RANBP2: variants seen among roughly 807,000 people sequenced by gnomAD.
The protein encoded by RANBP2 is RAN binding protein 2.
In RANBP2, 57 loss-of-function variants were observed where a neutral mutation model predicts 303.6. The observed-to-expected ratio is 0.19, with a 90% CI of 0.15 to 0.23. The LOEUF (loss-of-function observed/expected upper bound fraction) is 0.23. Among genes scored for constraint, RANBP2 ranks in the 10% least tolerant of loss-of-function variants. The probability of loss-of-function intolerance (pLI) is 1.00; values close to 1 mark genes in which losing one functional copy is unlikely to be tolerated. For synonymous variants in RANBP2, 1,167 were observed against 1,301.5 expected (o/e 0.90, Z 2.23); for missense variants, 3,138 against 3,780.8 (o/e 0.83, Z 4.46).
At chr2:109,251,041 G>A in the RANBP2 span, among the ~76,000 whole-genome samples, 1 of 150,104 alleles carries the variant, frequency 6.7e-6, no homozygotes, top group South Asian at 2.1e-4. Context: ...TCACTCTGTC[G>A]CCCAGGCTGG....
At chr2:109,590,778 A>AATC in the RANBP2 span, among the ~76,000 whole-genome samples, 1 of 152,148 alleles carries the variant, frequency 6.6e-6, no homozygotes, top group South Asian at 2.1e-4. Flanking sequence ...CAAAGACATG[A>AATC]AGCATGAAGA....
At chr2:109,181,476 T>C in the RANBP2 span, among the ~76,000 whole-genome samples, 1 of 151,992 alleles carries the variant, frequency 6.6e-6, no homozygotes, top group Non-Finnish European at 1.5e-5. Context: ...AGGATTCCAC[T>C]GGTGTAACAC....
At chr2:108,867,937 T>A in the RANBP2 span, among the ~76,000 whole-genome samples, 1 of 152,216 alleles carries the variant, frequency 6.6e-6, no homozygotes, top group Non-Finnish European at 1.5e-5. Flanking sequence ...AATAATTTTA[T>A]TCTGATTACC....
At chr2:108,864,273 G>A in the RANBP2 span, among the ~76,000 whole-genome samples, 3 of 151,988 alleles carry the variant, frequency 2.0e-5, no homozygotes, top group Admixed American at 1.3e-4. Flanking sequence ...TGATGAACAC[G>A]CTATTTTTAT....
chr2:109,231,632 A>G, the RANBP2 span, among the ~76,000 whole-genome samples: 410 of 152,312 alleles, frequency 2.7e-3, 4 homozygotes, highest in African/African-American at 9.5e-3. Flanking sequence ...CTGCTCTCAG[A>G]TGACATGTGG....
the RANBP2 span, chr2:109,760,332 C>CG: frequency 5.9e-6 from 1 of 168,490 alleles, no homozygotes. Context: ...GATGAGCAGA[C>CG]GGAACCCTAA....
intron 7 of RANBP2, among the ~76,000 whole-genome samples, chr2:108,741,670 T>C (rs897337756): frequency 2.0e-5 from 3 of 150,932 alleles, no homozygotes; most frequent in African/African-American, 4.9e-5. Context: ...CATGCCCAGC[T>C]AATTTTTTTT....
At chr2:109,499,136 C>T in the RANBP2 span, among the ~76,000 whole-genome samples, 1 of 152,090 alleles carries the variant, frequency 6.6e-6, no homozygotes, top group South Asian at 2.1e-4. Context: ...TGGGCAGCCG[C>T]CAGGACCAGG....
the RANBP2 span, among the ~76,000 whole-genome samples, chr2:108,796,304 T>C: frequency 2.5e-3 from 383 of 152,264 alleles, 2 homozygotes; most frequent in African/African-American, 8.9e-3. Flanking sequence ...TCCGCCCGCC[T>C]CTGCCTCCCA....
At chr2:109,061,180 A>G in the RANBP2 span, among the ~76,000 whole-genome samples, 6 of 151,714 alleles carry the variant, frequency 4.0e-5, no homozygotes, top group African/African-American at 1.5e-4. Flanking sequence ...TCCAAGGAAA[A>G]CCCTGGGAGC....
the RANBP2 span, among the ~76,000 whole-genome samples, chr2:109,254,036 A>C: frequency 1.3e-5 from 2 of 151,970 alleles, no homozygotes; most frequent in Non-Finnish European, 2.9e-5. Flanking sequence ...CATTCACATC[A>C]CATTTATCCT....
At chr2:109,646,794 C>T in the RANBP2 span, among the ~76,000 whole-genome samples, 1 of 151,854 alleles carries the variant, frequency 6.6e-6, no homozygotes, top group Non-Finnish European at 1.5e-5. Context: ...GTGTGAGCCA[C>T]TGCTCCCGGC....
the RANBP2 span, among the ~76,000 whole-genome samples, chr2:109,037,799 T>G: frequency 3.9e-5 from 6 of 152,102 alleles, no homozygotes; most frequent in East Asian, 1.9e-4. Context: ...TTGAAAGAAA[T>G]AAAAGAGGAT....
At chr2:109,643,626 G>A in the RANBP2 span, among the ~76,000 whole-genome samples, 66 of 152,030 alleles carry the variant, frequency 4.3e-4, no homozygotes, top group Middle Eastern at 3.2e-3. Flanking sequence ...TTAGCCAGGC[G>A]TGGTGGCACG....
Position 108,767,151 on chromosome 2 carries a change from C to A in RANBP2, c.6612C>A (p.Ala2204=), listed in dbSNP as rs202005268. The part of the protein sequence containing the change: ...EENKGSGTGA[A]GASDTTIKPN... Reference sequence around the variant, plus strand: ...ATAAGGGTTCAGGTACAGGTGCGGCCGGTGCCTCAGACACAACAATAAAAC... The same window carrying A: ...ATAAGGGTTCAGGTACAGGTGCGGCAGGTGCCTCAGACACAACAATAAAAC... Residue 2204 remains alanine (A), a synonymous_variant, in exon 20 of 29, where the codon GCC becomes GCA. Transcript: ENST00000283195. 1,249 of 1,611,820 alleles carry A rather than the reference C, an allele frequency of 7.7e-4. No individual in the cohort carries two copies. The highest frequency in any genetic ancestry group is 9.7e-4 in the Non-Finnish European group (1,145 of 1,179,856).
downstream of RANBP2, among the ~76,000 whole-genome samples, chr2:108,790,663 T>C (rs754628158): frequency 3.9e-5 from 6 of 152,200 alleles, no homozygotes; most frequent in South Asian, 4.1e-4. Flanking sequence ...ATCGCGCCAC[T>C]GCACTGCAAC....
chr2:109,677,426 C>T, the RANBP2 span, among the ~76,000 whole-genome samples: 1,763 of 152,324 alleles, frequency 0.012, 48 homozygotes, highest in African/African-American at 0.04. Context: ...CGTGACTTTT[C>T]CTTGACCTCT....
At chr2:109,399,246 C>A in the RANBP2 span, among the ~76,000 whole-genome samples, 1 of 152,192 alleles carries the variant, frequency 6.6e-6, no homozygotes, top group Non-Finnish European at 1.5e-5. Flanking sequence ...CCGTGTCAGT[C>A]GGCTTCCAGA....
chr2:109,624,721 T>C, the RANBP2 span, among the ~76,000 whole-genome samples: 5 of 152,148 alleles, frequency 3.3e-5, no homozygotes, highest in East Asian at 1.9e-4. Context: ...AACTCAACTA[T>C]TTCACTTCTC....
Sources: allele counts gnomAD v4.1 joint callset (sites outside exome capture counted in the v4.1 genomes callset), GRCh38; gene constraint gnomAD v4.1.1; transcripts MANE v1.5; gene names NCBI Gene and HGNC (gene_info 2026-07-23, HGNC 2026-07-21).